The following DLG2 variants were observed in gnomAD, a reference collection of about 807,000 sequenced individuals.
DLG2 encodes discs large MAGUK scaffold protein 2, also known as disks large homolog 2.
DLG2 carries 45 observed loss-of-function variants against 132.5 expected under a neutral mutation model. The observed-to-expected ratio is 0.34, with a 90% confidence interval of 0.27 to 0.44. The LOEUF is 0.44. Among genes scored for constraint, DLG2 ranks in the 20% least tolerant of loss-of-function variants. The pLI is 1.00. For synonymous variants in DLG2, 424 were observed against 419.6 expected (o/e 1.01, Z -0.13); for missense variants, 1,045 against 1,196.9 (o/e 0.87, Z 1.87).
intron 18 of DLG2, among the ~76,000 whole-genome samples, chr11:83,704,932 T>C (rs961356974): frequency 2.0e-5 from 3 of 152,240 alleles, no homozygotes; most frequent in African/African-American, 7.2e-5. Context: ...TTACACTTAC[T>C]ACCTGGGTGA....
chr11:84,505,125 G>A (rs2099235184), intron 7 of DLG2, among the ~76,000 whole-genome samples: 1 of 151,958 alleles, frequency 6.6e-6, no homozygotes, highest in Admixed American at 6.5e-5. Context: ...TTATGACCCT[G>A]GTGATATAGT....
At chr11:84,789,434 A>T (rs529499555) in intron 6 of DLG2, among the ~76,000 whole-genome samples, 2 of 152,290 alleles carry the variant, frequency 1.3e-5, no homozygotes, top group East Asian at 1.9e-4. Flanking sequence ...TTTTGTGGGT[A>T]TATAGTAGGC....
intron 3 of DLG2, among the ~76,000 whole-genome samples, chr11:85,520,879 C>G (rs570179757): frequency 1.8e-4 from 28 of 152,174 alleles, no homozygotes; most frequent in Admixed American, 3.3e-4. Context: ...GGATTAAAGA[C>G]TTAAATACCA....
intron 6 of DLG2, among the ~76,000 whole-genome samples, chr11:84,920,411 C>G (rs2092699498): frequency 2.6e-5 from 4 of 152,168 alleles, no homozygotes; most frequent in African/African-American, 9.7e-5. Flanking sequence ...CAAAACCTTT[C>G]TTGATTAGTC....
chr11:84,170,051 G>A (rs555263356), intron 8 of DLG2, among the ~76,000 whole-genome samples: 1 of 152,200 alleles, frequency 6.6e-6, no homozygotes, highest in African/African-American at 2.4e-5. Flanking sequence ...GAGAGCACAG[G>A]TTGTATATTA....
chr11:85,408,320 T>TAACAG lies in DLG2; in HGVS notation c.41-122960_41-122956dup, dbSNP rs146549709. The stretch of plus-strand genomic sequence containing the variant: ...GTTAAAAGAAATTATCCCTGACATA[T>TAACAG]AACAGAACTGACATTTGGGTGGGCA... On this transcript the variant is annotated intron_variant, in intron 3 of 27. Coordinates refer to ENST00000376104, the MANE Select transcript of DLG2 (RefSeq NM_001142699.3). Among the ~76,000 whole-genome samples, 632 of 151,188 alleles carry TAACAG rather than the reference T, an allele frequency of 4.2e-3. 9 individuals are homozygous for TAACAG. The highest frequency in any genetic ancestry group is 0.015 in the African/African-American group (612 of 41,378).
intron 6 of DLG2, among the ~76,000 whole-genome samples, chr11:84,820,322 T>C (rs1020119406): frequency 6.6e-6 from 1 of 151,846 alleles, no homozygotes; most frequent in East Asian, 2.0e-4. Flanking sequence ...TAACTCTCAA[T>C]TGAACTATAG....
At chr11:85,052,342 T>C (rs2154154591) in intron 6 of DLG2, among the ~76,000 whole-genome samples, 1 of 152,328 alleles carries the variant, frequency 6.6e-6, no homozygotes, top group South Asian at 2.1e-4. Context: ...GAAGTGGTTG[T>C]CTTTGAAATC....
intron 6 of DLG2, chr11:85,021,273 T>C: frequency 7.7e-7 from 1 of 1,295,368 alleles, no homozygotes; most frequent in Non-Finnish European, 1.1e-6. Flanking sequence ...GTACACGTGC[T>C]GGGTGACTGT....
At chr11:84,189,743 T>C (rs900666298) in intron 8 of DLG2, among the ~76,000 whole-genome samples, 16 of 152,124 alleles carry the variant, frequency 1.1e-4, no homozygotes. Context: ...ATACTACATG[T>C]TCTCATTTGT....
chr11:84,764,582 G>T (rs1430344566), intron 6 of DLG2, among the ~76,000 whole-genome samples: 1 of 152,012 alleles, frequency 6.6e-6, no homozygotes, highest in Non-Finnish European at 1.5e-5. Context: ...ACTGAGTTTG[G>T]AAGTTAAAGC....
At chr11:85,484,403 A>G (rs1460453390) in intron 3 of DLG2, among the ~76,000 whole-genome samples, 6 of 151,242 alleles carry the variant, frequency 4.0e-5, no homozygotes, top group Non-Finnish European at 5.9e-5. Context: ...CTACCATCAG[A>G]GTGAACAGGC....
At chr11:83,793,017 T>C (rs1055127601) in intron 17 of DLG2, among the ~76,000 whole-genome samples, 1 of 152,198 alleles carries the variant, frequency 6.6e-6, no homozygotes, top group Non-Finnish European at 1.5e-5. Flanking sequence ...ATTTTGTGTT[T>C]CTTCAATTAT....
intron 3 of DLG2, among the ~76,000 whole-genome samples, chr11:85,518,597 C>T (rs938202187): frequency 6.6e-6 from 1 of 152,118 alleles, no homozygotes; most frequent in Non-Finnish European, 1.5e-5. Flanking sequence ...TGCAGCCTGA[C>T]AATGTGATAG....
At chr11:83,967,414 G>T (rs1365815654) in intron 12 of DLG2, among the ~76,000 whole-genome samples, 1 of 151,968 alleles carries the variant, frequency 6.6e-6, no homozygotes, top group Non-Finnish European at 1.5e-5. Context: ...TCATCTTTTT[G>T]ATAATAGCCA....
rs556788390 is a variant in DLG2 at position 85,098,198 on chromosome 11, C to T, written c.357+13463G>A. ...GTAAGCAGTGGAGATAGGATTTTAA[C>T]CCGGTACTGAGTGACTTCAAAGTCC... On this transcript the variant is annotated intron_variant, in intron 6 of 27. Transcript: ENST00000376104. Among the ~76,000 whole-genome samples the T allele has an allele frequency of 2.0e-5, 3 of 152,232 alleles. No individual in the cohort carries two copies. The South Asian group carries it at 6.2e-4, about 32-fold the overall frequency.
chr11:83,777,927 C>A (rs939800951), intron 18 of DLG2, among the ~76,000 whole-genome samples: 1 of 152,078 alleles, frequency 6.6e-6, no homozygotes, highest in African/African-American at 2.4e-5. Flanking sequence ...TCTCTTGAAC[C>A]ACCTTAATTA....
At chr11:83,937,659 A>C (rs1233658675) in intron 14 of DLG2, among the ~76,000 whole-genome samples, 1 of 152,198 alleles carries the variant, frequency 6.6e-6, no homozygotes, top group Non-Finnish European at 1.5e-5. Flanking sequence ...TTTTAGTAAA[A>C]AACAAAGACA....
At chr11:85,246,710 A>G (rs577857236) in intron 4 of DLG2, among the ~76,000 whole-genome samples, 1 of 152,138 alleles carries the variant, frequency 6.6e-6, no homozygotes, top group South Asian at 2.1e-4. Context: ...TAGTCATATA[A>G]TTGCATAACA....
Sources: allele counts gnomAD v4.1 joint callset (sites outside exome capture counted in the v4.1 genomes callset), GRCh38; gene constraint gnomAD v4.1.1; transcripts MANE v1.5; gene names NCBI Gene and HGNC (gene_info 2026-07-23, HGNC 2026-07-21).